GAK: variants seen among roughly 807,000 people sequenced by gnomAD.
GAK encodes the protein cyclin-G-associated kinase.
In GAK, 79 loss-of-function variants were observed where a neutral mutation model predicts 143.9. The ratio of observed to expected loss-of-function variants is 0.55; its 90% CI spans 0.46 to 0.66. The LOEUF (loss-of-function observed/expected upper bound fraction) is 0.66. Ranked by LOEUF, GAK falls within the 30% of genes least tolerant of loss-of-function variation. The probability of loss-of-function intolerance (pLI) is 0.00; values close to 1 mark genes in which losing one functional copy is unlikely to be tolerated. For missense variants in GAK, 1,693 were observed against 1,779.7 expected (o/e 0.95, Z 0.88); for synonymous variants, 881 against 765.5 (o/e 1.15, Z -2.49).
rs1553885659 is a variant in GAK at position 894,978 on chromosome 4, CAAATAAATAAATAAAT to C, written c.742-985_742-970del. On this transcript the variant is annotated intron_variant, in intron 7 of 27. Coordinates refer to ENST00000314167, the MANE Select transcript of GAK (RefSeq NM_005255.4). ...CTAGCAACAAAGCGAGACTCTGTCT[CAAATAAATAAATAAAT>C]AAATAAATAAATAAATAAATAAAGG... Among the ~76,000 whole-genome samples, 829 of 126,564 alleles carry C rather than the reference CAAATAAATAAATAAAT, an allele frequency of 6.6e-3. 7 individuals are homozygous for C. Among genetic ancestry groups the C allele is most frequent in the Middle Eastern group, 0.012 (3 of 254 alleles). 83.0% of individuals were successfully genotyped at this position (126,564 alleles called of 152,430 possible). A position where few individuals can be genotyped will look rare whatever the true frequency, so the allele number is the denominator to read the frequency against.
At chr4:866,558 G>T (rs1354099194) in intron 21 of GAK, 24 bp from the exon 22 acceptor site, 8 of 1,609,234 alleles carry the variant, frequency 5.0e-6, no homozygotes, top group Non-Finnish European at 6.8e-6. Context: ...CGGGCATGGG[G>T]AGGACTCAGC....
intron 24 of GAK, among the ~76,000 whole-genome samples, chr4:856,724 TCACCACAGCTGCTCAC>T (rs1335761052): frequency 6.6e-6 from 1 of 150,880 alleles, no homozygotes; most frequent in Non-Finnish European, 1.5e-5. Context: ...CCACAGCTGC[TCACCACAGCTGCTCAC>T]CACCACAGCT....
Position 868,670 on chromosome 4 carries a change from G to A in GAK, c.2264C>T (p.Pro755Leu). ...CTGAGCCGTGGAGCCAGGCTGCCGG[G>A]GAAGCTCCGGCTTCCCTGCAGGAGA... ...ILSKFGKPEL[P>L]RQPGSTAQYD... Residue 755 changes from proline (P) to leucine (L), a missense_variant, in exon 20 of 28, where the codon CCC becomes CTC. Around this residue, in one of 2 missense-constraint regions of GAK, gnomAD observed 822 missense variants for 788.7 expected, o/e 1.04. Coordinates refer to ENST00000314167, the MANE Select transcript of GAK (RefSeq NM_005255.4). 6.4e-7 allele frequency: 1 copy of A among 1,551,876 alleles called. No homozygotes were observed. Among genetic ancestry groups the A allele is most frequent in the Non-Finnish European group, 8.7e-7 (1 of 1,148,022 alleles).
At chr4:915,780 A>G (rs933700128) in intron 1 of GAK, 1 of 152,208 alleles carries the variant, frequency 6.6e-6, no homozygotes, top group Non-Finnish European at 1.5e-5. Flanking sequence ...GCAATGTCGA[A>G]TCCTCCCTTC....
At chr4:920,281 C>G (rs1205102119) in intron 1 of GAK, among the ~76,000 whole-genome samples, 3 of 150,654 alleles carry the variant, frequency 2.0e-5, no homozygotes, top group Admixed American at 2.0e-4. Flanking sequence ...GCACTCCAAC[C>G]TGGGCGACAG....
chr4:914,800 G>A (rs1722807174), intron 1 of GAK, among the ~76,000 whole-genome samples: 1 of 110,034 alleles, frequency 9.1e-6, no homozygotes, highest in African/African-American at 3.7e-5. Context: ...CAGTGTGCAC[G>A]GCCCCATACA....
intron 1 of GAK, 63 bp downstream of exon 1, chr4:931,980 G>A: frequency 2.5e-6 from 3 of 1,209,328 alleles, no homozygotes; most frequent in Non-Finnish European, 3.6e-6. Context: ...GGCTGACGCT[G>A]CCCCCAGCGT....
chr4:867,510 G>A (rs1453118525), intron 20 of GAK, 78 bp from the exon 21 acceptor site: 2 of 885,816 alleles, frequency 2.3e-6, no homozygotes, highest in South Asian at 1.8e-5. Flanking sequence ...GTCCCTTCAG[G>A]GCCTCCTCGG....
intron 11 of GAK, chr4:887,882 T>A (rs1383498044): frequency 6.6e-6 from 1 of 151,876 alleles, no homozygotes; most frequent in Non-Finnish European, 1.5e-5. Context: ...CCTATGCACA[T>A]ACTCACACCA....
At position 877,656 on chromosome 4, in the gene GAK, G is replaced by T; in HGVS notation, c.1815C>A (p.Asp605Glu). 1 of 1,607,646 alleles carries T rather than the reference G, an allele frequency of 6.2e-7. No homozygotes were observed. Among genetic ancestry groups the T allele is most frequent in the Admixed American group, 1.7e-5 (1 of 59,256 alleles). ...CRPFCEVYVGDERVASTSQEY... is the reference protein window; with the variant it reads ...CRPFCEVYVGEERVASTSQEY... ...CCTGGGAGGTGCTGGCCACACGCTCGTCCCCCACGTAGACCTCGCAGAAGG... is the reference window on the plus strand; with the variant it reads ...CCTGGGAGGTGCTGGCCACACGCTCTTCCCCCACGTAGACCTCGCAGAAGG... Residue 605 changes from aspartate to glutamate, a missense_variant, in exon 16 of 28, where the codon GAC becomes GAA. Coordinates refer to ENST00000314167, the MANE Select transcript of GAK (RefSeq NM_005255.4).
rs750973390 is a variant in GAK at position 866,554 on chromosome 4, T to C, written c.2873-20A>G. 6.2e-7 allele frequency: 1 copy of C among 1,609,746 alleles called. No homozygotes were observed. The highest frequency in any genetic ancestry group is 1.1e-5 in the South Asian group (1 of 90,632). Reference sequence around the variant, plus strand: ...GGTCAGCTGTGGGGACAGGCGGGCATGGGGAGGACTCAGCCCGGCTGCCTG... The same window carrying C: ...GGTCAGCTGTGGGGACAGGCGGGCACGGGGAGGACTCAGCCCGGCTGCCTG... On this transcript the variant is annotated intron_variant, in intron 21 of 27. Coordinates refer to ENST00000314167, the MANE Select transcript of GAK (RefSeq NM_005255.4).
intron 4 of GAK, among the ~76,000 whole-genome samples, chr4:910,189 G>A (rs1050614016): frequency 6.6e-6 from 1 of 152,140 alleles, no homozygotes; most frequent in Non-Finnish European, 1.5e-5. Context: ...GGCACTGACA[G>A]GTGCAGCCGC....
chr4:926,678 GATCA>G (rs902963653), intron 1 of GAK, among the ~76,000 whole-genome samples: 84 of 152,294 alleles, frequency 5.5e-4, no homozygotes, highest in African/African-American at 1.9e-3. Flanking sequence ...AAATGTTGAT[GATCA>G]AGCTGTCAAC....
At chr4:856,737 TCAC>T (rs1337641546) in intron 24 of GAK, among the ~76,000 whole-genome samples, 6 of 152,332 alleles carry the variant, frequency 3.9e-5, no homozygotes, top group South Asian at 2.1e-4. Flanking sequence ...CCACAGCTGC[TCAC>T]CACCACAGCT....
At chr4:906,705 A>G (rs1260400681) in intron 4 of GAK, among the ~76,000 whole-genome samples, 1 of 151,864 alleles carries the variant, frequency 6.6e-6, no homozygotes, top group African/African-American at 2.4e-5. Flanking sequence ...CAGAGCAGCC[A>G]CCGTCACCCT....
chr4:852,168 T>A lies in GAK; in HGVS notation c.3284-194A>T, dbSNP rs546448828. On this transcript the variant is annotated intron_variant, in intron 24 of 27. Coordinates refer to ENST00000314167, the MANE Select transcript of GAK (RefSeq NM_005255.4). ...TCCAGGGGCTGGAGCACAGGCCAGG[T>A]GCTGGGGCGACGGGAACACTCTGGA... The A allele has an allele frequency of 9.6e-6, 6 of 626,494 alleles. No individual in the cohort carries two copies. The African/African-American group carries it at 1.1e-4, about 11-fold the overall frequency. The allele number at this position is 626,494 out of a possible 1,614,324, so 38.8% of individuals were successfully genotyped here.
At chr4:902,605 A>ACAAAAAAAAAC (rs1553889061) in intron 5 of GAK, among the ~76,000 whole-genome samples, 1 of 130,310 alleles carries the variant, frequency 7.7e-6, no homozygotes, top group Non-Finnish European at 1.7e-5. Context: ...TCAAAAAAAA[A>ACAAAAAAAAAC]AAAAAAAAAC....
chr4:849,592 G>C lies in GAK; in HGVS notation c.*81C>G. The C allele has an allele frequency of 9.0e-7, 1 of 1,111,626 alleles. No individual in the cohort carries two copies. The highest frequency in any genetic ancestry group is 1.3e-5 in the South Asian group (1 of 76,578). The allele number at this position is 1,111,626 out of a possible 1,614,324, so 68.9% of individuals were successfully genotyped here. ...CCTGGCCACACCTGCTGTCGCCCACGGGGTCCTCACGGTGGGGACCCAGGT... is the reference window on the plus strand; with the variant it reads ...CCTGGCCACACCTGCTGTCGCCCACCGGGTCCTCACGGTGGGGACCCAGGT... On this transcript the variant is annotated 3_prime_UTR_variant, in exon 28 of 28. Coordinates refer to ENST00000314167, the MANE Select transcript of GAK (RefSeq NM_005255.4).
At chr4:884,375 C>A in intron 11 of GAK, 1 of 430,496 alleles carries the variant, frequency 2.3e-6, no homozygotes, top group African/African-American at 2.0e-5. Context: ...TTCCCCTGCG[C>A]TCTCCAGGGA....
Sources: allele counts gnomAD v4.1 joint callset (sites outside exome capture counted in the v4.1 genomes callset), GRCh38; gene constraint gnomAD v4.1.1; regional missense constraint gnomAD v4.1.1; transcripts MANE v1.5; gene names NCBI Gene and HGNC (gene_info 2026-07-23, HGNC 2026-07-21).